The following CDK14 variants were observed in gnomAD, a reference collection of about 807,000 sequenced individuals.
CDK14 encodes the protein cyclin dependent kinase 14.
CDK14 carries 34 observed loss-of-function variants against 60.7 expected under a neutral mutation model. The observed-to-expected ratio is 0.56, with a 90% confidence interval of 0.43 to 0.75. The LOEUF (loss-of-function observed/expected upper bound fraction) is 0.75. CDK14 is among the 30% of genes least tolerant of loss of function. CDK14 has a pLI of 0.00. For synonymous variants in CDK14, 197 were observed against 203.7 expected (o/e 0.97, Z 0.28); for missense variants, 482 against 564.1 (o/e 0.85, Z 1.47).
intron 2 of CDK14, among the ~76,000 whole-genome samples, chr7:90,694,911 C>CT (rs374359210): frequency 3.1e-4 from 47 of 152,320 alleles, no homozygotes; most frequent in African/African-American, 1.0e-3. Context: ...GCTTATATAT[C>CT]TTATCTGTGT....
intron 2 of CDK14, among the ~76,000 whole-genome samples, chr7:90,721,941 A>G (rs192476214): frequency 6.6e-6 from 1 of 152,242 alleles, no homozygotes; most frequent in East Asian, 1.9e-4. Context: ...TGACAAGTTA[A>G]TATAAGCATT....
intron 11 of CDK14, among the ~76,000 whole-genome samples, chr7:91,069,543 T>G (rs939179978): frequency 3.3e-5 from 5 of 152,002 alleles, no homozygotes; most frequent in African/African-American, 1.2e-4. Flanking sequence ...TAAAAAAATT[T>G]AAATTTAAAT....
chr7:90,955,055 G>A (rs1444870178), intron 8 of CDK14, among the ~76,000 whole-genome samples: 1 of 151,700 alleles, frequency 6.6e-6, no homozygotes, highest in East Asian at 1.9e-4. Context: ...AAAATTCTTA[G>A]AGGACATTTT....
chr7:91,160,584 T>C (rs1404563099), intron 14 of CDK14, among the ~76,000 whole-genome samples: 2 of 152,206 alleles, frequency 1.3e-5, no homozygotes, highest in Non-Finnish European at 2.9e-5. Flanking sequence ...TTGAAACCTA[T>C]AGCCAAAATT....
intron 4 of CDK14, among the ~76,000 whole-genome samples, chr7:90,775,513 T>C (rs1436090008): frequency 6.6e-6 from 1 of 151,974 alleles, no homozygotes; most frequent in Non-Finnish European, 1.5e-5. Context: ...ATGAGAAAAT[T>C]TGATTTCTCT....
chr7:91,111,575 T>C (rs1179438234), intron 12 of CDK14, among the ~76,000 whole-genome samples: 2 of 152,164 alleles, frequency 1.3e-5, no homozygotes, highest in African/African-American at 4.8e-5. Flanking sequence ...GATTGGAATC[T>C]CCTCTCAACT....
At chr7:90,733,895 T>A (rs1454089076) in intron 3 of CDK14, among the ~76,000 whole-genome samples, 1 of 152,214 alleles carries the variant, frequency 6.6e-6, no homozygotes, top group African/African-American at 2.4e-5. Context: ...TGCAGTTTCT[T>A]CATAGCGTTG....
intron 8 of CDK14, 32 bp from the exon 9 acceptor site, chr7:90,955,665 T>C (rs773302343): frequency 6.2e-7 from 1 of 1,611,048 alleles, no homozygotes; most frequent in East Asian, 2.2e-5. Flanking sequence ...CTAATGCCTG[T>C]TAAACTTCTT....
chr7:90,812,530 C>A (rs1789170706), intron 5 of CDK14, among the ~76,000 whole-genome samples: 2 of 152,080 alleles, frequency 1.3e-5, no homozygotes. Context: ...TGACGAGTTG[C>A]TGGGTGCAGC....
chr7:90,801,482 T>C (rs1226364529), intron 5 of CDK14, among the ~76,000 whole-genome samples: 15 of 152,186 alleles, frequency 9.9e-5, no homozygotes, highest in Admixed American at 9.8e-4. Flanking sequence ...GTGAGTATGA[T>C]TGAGACATTG....
At chr7:90,618,051 T>C (rs2116361703) in intron 2 of CDK14, among the ~76,000 whole-genome samples, 1 of 152,340 alleles carries the variant, frequency 6.6e-6, no homozygotes, top group South Asian at 2.1e-4. Flanking sequence ...AAATGTCAGA[T>C]AATAAATTCA....
chr7:91,079,308 C>T, intron 11 of CDK14, 124 bp from the exon 12 acceptor site: 1 of 616,640 alleles, frequency 1.6e-6, no homozygotes, highest in Non-Finnish European at 2.9e-6. Context: ...AAGTGAAGAC[C>T]TTACTATGCT....
chr7:91,033,388 A>G (rs1184135333), intron 10 of CDK14, among the ~76,000 whole-genome samples: 1 of 152,216 alleles, frequency 6.6e-6, no homozygotes, highest in Non-Finnish European at 1.5e-5. Context: ...GGCACTCCAG[A>G]TGAAGGTGGA....
At chr7:91,200,328 C>G (rs1230839716) in intron 14 of CDK14, among the ~76,000 whole-genome samples, 1 of 152,020 alleles carries the variant, frequency 6.6e-6, no homozygotes, top group Non-Finnish European at 1.5e-5. Context: ...TTTGTGTTTG[C>G]CTAGGTGCTT....
intron 2 of CDK14, among the ~76,000 whole-genome samples, chr7:90,677,394 C>G (rs547863245): frequency 6.6e-6 from 1 of 152,154 alleles, no homozygotes; most frequent in Non-Finnish European, 1.5e-5. Flanking sequence ...AACAAAGGTG[C>G]CTTAAAGTTA....
At chr7:91,200,742 A>G (rs1044756994) in intron 14 of CDK14, among the ~76,000 whole-genome samples, 31 of 152,152 alleles carry the variant, frequency 2.0e-4, no homozygotes, top group African/African-American at 6.8e-4. Context: ...GCCCATTTTG[A>G]ATGCTAGTTT....
chr7:90,997,847 G>A (rs1396346122), intron 10 of CDK14, among the ~76,000 whole-genome samples: 1 of 152,168 alleles, frequency 6.6e-6, no homozygotes, highest in Non-Finnish European at 1.5e-5. Context: ...AGTTGTGAGT[G>A]TCTTTAGTAA....
intron 8 of CDK14, among the ~76,000 whole-genome samples, chr7:90,951,005 G>A (rs960196106): frequency 6.6e-6 from 1 of 152,152 alleles, no homozygotes; most frequent in African/African-American, 2.4e-5. Flanking sequence ...CCTGTAGGAG[G>A]GAGAATATTC....
chr7:90,624,896 T>G (rs1030923579), intron 2 of CDK14, among the ~76,000 whole-genome samples: 1 of 152,146 alleles, frequency 6.6e-6, no homozygotes, highest in Non-Finnish European at 1.5e-5. Flanking sequence ...ATATCCAGGC[T>G]CCAACACTCC....
Sources: allele counts gnomAD v4.1 joint callset (sites outside exome capture counted in the v4.1 genomes callset), GRCh38; gene constraint gnomAD v4.1.1; transcripts MANE v1.5; gene names NCBI Gene and HGNC (gene_info 2026-07-23, HGNC 2026-07-21).